Variants in GRB14 observed in about 807,000 individuals in gnomAD.
The protein encoded by GRB14 is growth factor receptor bound protein 14.
GRB14 carries 38 observed loss-of-function variants against 69.1 expected under a neutral mutation model. The ratio of observed to expected loss-of-function variants is 0.55; its 90% CI spans 0.42 to 0.72. GRB14 has a LOEUF of 0.72. Ranked by LOEUF, GRB14 falls within the 30% of genes least tolerant of loss-of-function variation. The pLI, the probability that GRB14 is intolerant of heterozygous loss-of-function variation, is 0.00. For synonymous variants in GRB14, 247 were observed against 241.3 expected (o/e 1.02, Z -0.22); for missense variants, 666 against 666.1 (o/e 1.00, Z 0.00).
intron 2 of GRB14, among the ~76,000 whole-genome samples, chr2:164,550,025 T>A (rs562222537): frequency 1.3e-5 from 2 of 152,086 alleles, no homozygotes; most frequent in African/African-American, 4.8e-5. Flanking sequence ...AAGGAGGGAA[T>A]AGAATCAGAC....
chr2:164,546,188 C>G (rs1278237104), intron 3 of GRB14, among the ~76,000 whole-genome samples: 2 of 152,072 alleles, frequency 1.3e-5, no homozygotes. Flanking sequence ...TCCCATAGAT[C>G]TTTAAATGAA....
intron 2 of GRB14, among the ~76,000 whole-genome samples, chr2:164,554,992 A>G (rs1688642497): frequency 6.6e-6 from 1 of 152,218 alleles, no homozygotes; most frequent in Non-Finnish European, 1.5e-5. Context: ...AATGAAAGTC[A>G]AAGGCCATTT....
rs138038542 is a variant in GRB14, at chr2:164,562,560, G to A, written c.325-14744C>T. Among the ~76,000 whole-genome samples the A allele has an allele frequency of 2.7e-3, 411 of 152,156 alleles. 1 individual carries two copies. The highest frequency in any genetic ancestry group is 9.5e-3 in the African/African-American group (395 of 41,492). On this transcript the variant is annotated intron_variant, in intron 2 of 13. Coordinates refer to ENST00000263915, the MANE Select transcript of GRB14 (RefSeq NM_004490.3). Reference sequence around the variant, plus strand: ...TAACCACTTTAGGAGAATAGGGCACGGAAAGTTTAAATTCTCAGTCACAGG... The same window carrying A: ...TAACCACTTTAGGAGAATAGGGCACAGAAAGTTTAAATTCTCAGTCACAGG...
At chr2:164,595,939 C>T (rs567794838) in intron 2 of GRB14, among the ~76,000 whole-genome samples, 2 of 152,266 alleles carry the variant, frequency 1.3e-5, no homozygotes, top group South Asian at 2.1e-4. Flanking sequence ...TCCTGGCCAA[C>T]ATGGTGAAAC....
At position 164,497,504 on chromosome 2, in the gene GRB14, A is replaced by T. The variant is rs559175852; in HGVS notation, c.1105-14T>A. On this transcript the variant is annotated splice_polypyrimidine_tract_variant and intron_variant, in intron 9 of 13. Transcript: ENST00000263915. ...TGATATACTTCTCTGGAAAAAAGAAACACATTTGAGTTATGAAAATTTCTT... is the reference window on the plus strand; with the variant it reads ...TGATATACTTCTCTGGAAAAAAGAATCACATTTGAGTTATGAAAATTTCTT... 8 of 1,464,664 alleles carry T rather than the reference A, an allele frequency of 5.5e-6. No homozygotes were observed. The South Asian group carries it at 9.6e-5, about 18-fold the overall frequency. 90.7% of individuals were successfully genotyped at this position (1,464,664 alleles called of 1,614,324 possible).
chr2:164,616,393 TCCAG>T (rs1690296407), intron 2 of GRB14, among the ~76,000 whole-genome samples: 1 of 123,416 alleles, frequency 8.1e-6, no homozygotes, highest in South Asian at 2.5e-4. Flanking sequence ...GCCACTGCAC[TCCAG>T]CCTGGGCGAC....
At chr2:164,587,377 T>C (rs1037991685) in intron 2 of GRB14, among the ~76,000 whole-genome samples, 1 of 152,170 alleles carries the variant, frequency 6.6e-6, no homozygotes, top group Non-Finnish European at 1.5e-5. Flanking sequence ...CTGTGCTGGA[T>C]GTTCATTATC....
At chr2:164,552,762 C>T (rs1221459794) in intron 2 of GRB14, among the ~76,000 whole-genome samples, 2 of 152,110 alleles carry the variant, frequency 1.3e-5, no homozygotes, top group Non-Finnish European at 2.9e-5. Context: ...TCTTGGTAGG[C>T]CACTGCTCTT....
intron 2 of GRB14, among the ~76,000 whole-genome samples, chr2:164,584,496 A>G (rs13012693): frequency 6.6e-6 from 1 of 152,136 alleles, no homozygotes; most frequent in African/African-American, 2.4e-5. Flanking sequence ...AACCATTAAT[A>G]TACACTTGAA....
At chr2:164,529,527 C>T (rs1402205795) in intron 3 of GRB14, among the ~76,000 whole-genome samples, 4 of 151,994 alleles carry the variant, frequency 2.6e-5, no homozygotes, top group Admixed American at 6.6e-5. Flanking sequence ...TACCACATTC[C>T]GTCAAAAAAA....
At chr2:164,526,907 A>T in intron 4 of GRB14, 107 bp downstream of exon 4, 1 of 639,678 alleles carries the variant, frequency 1.6e-6, no homozygotes, top group Non-Finnish European at 2.4e-6. Flanking sequence ...GTCTTCATCT[A>T]CAATTTACCG....
chr2:164,585,498 G>C (rs987059255), intron 2 of GRB14, among the ~76,000 whole-genome samples: 1 of 152,038 alleles, frequency 6.6e-6, no homozygotes, highest in African/African-American at 2.4e-5. Flanking sequence ...CAATACTCCT[G>C]TGTCATTAGC....
intron 3 of GRB14, among the ~76,000 whole-genome samples, chr2:164,545,167 A>T (rs1391811665): frequency 6.6e-6 from 1 of 152,216 alleles, no homozygotes; most frequent in African/African-American, 2.4e-5. Context: ...CAACTAATGG[A>T]GCTGTCACTG....
At chr2:164,578,522 GCACACACACACACA>G (rs61283767) in intron 2 of GRB14, among the ~76,000 whole-genome samples, 1 of 145,588 alleles carries the variant, frequency 6.9e-6, no homozygotes, top group African/African-American at 2.5e-5. Context: ...CAATTCGCGC[GCACACACACACACA>G]CACACACACA....
intron 9 of GRB14, among the ~76,000 whole-genome samples, chr2:164,498,186 T>C (rs1686954870): frequency 6.6e-6 from 1 of 152,110 alleles, no homozygotes; most frequent in African/African-American, 2.4e-5. Flanking sequence ...TATGAATACA[T>C]TTTCATCTTG....
At chr2:164,530,660 A>G (rs1559037224) in intron 3 of GRB14, among the ~76,000 whole-genome samples, 1 of 152,104 alleles carries the variant, frequency 6.6e-6, no homozygotes, top group African/African-American at 2.4e-5. Flanking sequence ...AGGTGAGAGA[A>G]AGGCTGGTAT....
rs149688606 is a variant in GRB14 at position 164,604,799 on chromosome 2, T to C, written c.324+14888A>G. On this transcript the variant is annotated intron_variant, in intron 2 of 13. Transcript: ENST00000263915. ...TATATGATTCCATTTTAATGAAATA[T>C]CCATAATAGGTAAATCCATACAAAC... Among the ~76,000 whole-genome samples, 507 of 152,280 alleles carry C rather than the reference T, an allele frequency of 3.3e-3. 3 individuals are homozygous for C. The highest frequency in any genetic ancestry group is 0.012 in the African/African-American group (485 of 41,564).
chr2:164,523,115 C>T (rs4610070), intron 5 of GRB14, among the ~76,000 whole-genome samples: 6 of 152,098 alleles, frequency 3.9e-5, no homozygotes, highest in Admixed American at 6.6e-5. Flanking sequence ...GAGTATCAAA[C>T]GACATGCAGT....
intron 2 of GRB14, among the ~76,000 whole-genome samples, chr2:164,553,302 C>T (rs1435361848): frequency 6.6e-6 from 1 of 152,114 alleles, no homozygotes; most frequent in Non-Finnish European, 1.5e-5. Context: ...GACTATGTCA[C>T]TGCAAATTTA....
Sources: gnomAD v4.1 joint callset for allele counts (sites outside exome capture counted in the v4.1 genomes callset) on GRCh38, gnomAD v4.1.1 for gene constraint, MANE v1.5 for transcripts, NCBI Gene and HGNC (gene_info 2026-07-23, HGNC 2026-07-21) for gene names.